NDFIP1: variants seen among roughly 807,000 people sequenced by gnomAD.
NDFIP1 encodes Nedd4 family interacting protein 1.
In NDFIP1, 7 loss-of-function variants were observed where a neutral mutation model predicts 28.8. That is an observed-to-expected ratio of 0.24 (90% confidence interval 0.14 to 0.46). NDFIP1 has a LOEUF of 0.46. Ranked by LOEUF, NDFIP1 falls within the 20% of genes least tolerant of loss-of-function variation. The pLI is 0.99. For missense variants in NDFIP1, 194 were observed against 269.1 expected, an observed-to-expected ratio of 0.72 and a Z score of 1.95; for synonymous variants, 92 against 101.0, an observed-to-expected ratio of 0.91 and a Z score of 0.53.
At chr5:142,136,226 A>G (rs1177241574) in intron 4 of NDFIP1, among the ~76,000 whole-genome samples, 2 of 152,160 alleles carry the variant, frequency 1.3e-5, no homozygotes, top group Non-Finnish European at 2.9e-5. Flanking sequence ...CCTTCATGTT[A>G]CTTGCCATTT....
intron 6 of NDFIP1, among the ~76,000 whole-genome samples, chr5:142,142,100 G>A: frequency 6.6e-6 from 1 of 152,108 alleles, no homozygotes; most frequent in Non-Finnish European, 1.5e-5. Context: ...TGGCGTCACT[G>A]CACTTCAGCT....
chr5:142,130,639 G>C (rs1410391136), intron 1 of NDFIP1, among the ~76,000 whole-genome samples: 3 of 151,650 alleles, frequency 2.0e-5, no homozygotes, highest in Non-Finnish European at 4.4e-5. Context: ...GTCACAGTGT[G>C]CCATAATTGT....
intron 6 of NDFIP1, among the ~76,000 whole-genome samples, chr5:142,142,480 G>A (rs1757341591): frequency 6.6e-6 from 1 of 152,054 alleles, no homozygotes; most frequent in African/African-American, 2.4e-5. Flanking sequence ...GACCAAAGAG[G>A]AGCCCTTAAG....
intron 6 of NDFIP1, among the ~76,000 whole-genome samples, chr5:142,141,383 G>A (rs567386280): frequency 7.3e-5 from 11 of 151,706 alleles, no homozygotes; most frequent in East Asian, 3.9e-4. Context: ...TTACCGTGTT[G>A]GCCAGGATGG....
Position 142,132,337 on chromosome 5 carries a change from G to T in NDFIP1, c.277G>T (p.Gly93Trp). The T allele has an allele frequency of 6.2e-7, 1 of 1,610,956 alleles. No individual in the cohort carries two copies. The highest frequency in any genetic ancestry group is 8.5e-7 in the Non-Finnish European group (1 of 1,179,214). ...TGAAGCTACTATCCCTTTGGTTCCT[G>T]GGAGAGTGAGTATAATTTGCCATGT... ...KAEATIPLVP[G>W]RDEDFVGRDD... Residue 93 changes from glycine to tryptophan, a missense_variant, in exon 3 of 8, where the codon GGG becomes TGG. Physicochemically the swap from Gly to Trp is radical, Grantham distance 184. Coordinates refer to ENST00000253814, the MANE Select transcript of NDFIP1 (RefSeq NM_030571.4).
chr5:142,109,648 G>C (rs1756991301), intron 1 of NDFIP1, among the ~76,000 whole-genome samples: 1 of 152,220 alleles, frequency 6.6e-6, no homozygotes, highest in Non-Finnish European at 1.5e-5. Flanking sequence ...GAGCTACGAT[G>C]AAGTCTGCAG....
rs1257856163 is a variant in NDFIP1, at chr5:142,152,130, T to C, written c.*402T>C. 1 of 152,788 alleles carries C rather than the reference T, an allele frequency of 6.5e-6. No homozygotes were observed. The highest frequency in any genetic ancestry group is 2.4e-5 in the African/African-American group (1 of 41,464). The allele number at this position is 152,788 out of a possible 1,614,324, so 9.5% of individuals were successfully genotyped here. A position where few individuals can be genotyped will look rare whatever the true frequency, so the allele number is the denominator to read the frequency against. On this transcript the variant is annotated 3_prime_UTR_variant, in exon 8 of 8. Coordinates refer to ENST00000253814, the MANE Select transcript of NDFIP1 (RefSeq NM_030571.4). ...AAATATTGTAAGATATGTATAATGC[T>C]GGCCATTTTAAAGGGGTTTTCTCAA...
In NDFIP1 at chr5:142,153,481, C is replaced by T; in HGVS notation, c.*1753C>T. On this transcript the variant is annotated 3_prime_UTR_variant, in exon 8 of 8. Transcript: ENST00000253814. ...GCCAAACAGGAAAATTAGGAGCCTCCTGGATTGACATTTCAATGATCCCTC... is the reference window on the plus strand; with the variant it reads ...GCCAAACAGGAAAATTAGGAGCCTCTTGGATTGACATTTCAATGATCCCTC... 1 of 453,136 alleles carries T rather than the reference C, an allele frequency of 2.2e-6. No homozygotes were observed. Among genetic ancestry groups the T allele is most frequent in the Non-Finnish European group, 4.5e-6 (1 of 224,210 alleles). The allele number at this position is 453,136 out of a possible 1,614,324, so 28.1% of individuals were successfully genotyped here.
At chr5:142,122,313 A>T (rs560916433) in intron 1 of NDFIP1, among the ~76,000 whole-genome samples, 2 of 152,304 alleles carry the variant, frequency 1.3e-5, no homozygotes, top group East Asian at 3.9e-4. Flanking sequence ...TTTGCTCAAC[A>T]TGATGTTGCA....
At chr5:142,112,264 A>G (rs1001581558) in intron 1 of NDFIP1, among the ~76,000 whole-genome samples, 2 of 151,388 alleles carry the variant, frequency 1.3e-5, no homozygotes, top group African/African-American at 4.9e-5. Context: ...GTGCACCTGT[A>G]GTCCCAGCTA....
chr5:142,137,470 A>T (rs2126920015), intron 4 of NDFIP1, among the ~76,000 whole-genome samples: 1 of 152,302 alleles, frequency 6.6e-6, no homozygotes, highest in South Asian at 2.1e-4. Context: ...GATGTGAGCT[A>T]TTGTGCTCAG....
intron 6 of NDFIP1, among the ~76,000 whole-genome samples, chr5:142,142,285 T>C (rs1000435145): frequency 3.3e-5 from 5 of 152,162 alleles, no homozygotes; most frequent in African/African-American, 1.2e-4. Flanking sequence ...GATTGGTCAT[T>C]AGAATTCTAA....
intron 1 of NDFIP1, among the ~76,000 whole-genome samples, chr5:142,111,757 T>G (rs1293126976): frequency 1.3e-5 from 2 of 152,220 alleles, no homozygotes. Flanking sequence ...TTTAGCATAG[T>G]GACAGACTAT....
At chr5:142,109,092 G>T in intron 1 of NDFIP1, 55 bp downstream of exon 1, 1 of 1,290,878 alleles carries the variant, frequency 7.7e-7, no homozygotes, top group Non-Finnish European at 9.9e-7. Context: ...TGCCCTGCCC[G>T]CTGGCCGCCT....
intron 7 of NDFIP1, among the ~76,000 whole-genome samples, chr5:142,145,545 A>G (rs1318488053): frequency 1.3e-5 from 2 of 152,122 alleles, no homozygotes; most frequent in East Asian, 3.9e-4. Context: ...TCTTAGGCAA[A>G]GCATTATAAA....
At chr5:142,145,556 G>A (rs1757380353) in intron 7 of NDFIP1, among the ~76,000 whole-genome samples, 1 of 152,086 alleles carries the variant, frequency 6.6e-6, no homozygotes, top group African/African-American at 2.4e-5. Context: ...GCATTATAAA[G>A]GATAGGTGGT....
At chr5:142,150,175 C>T (rs534653998) in intron 7 of NDFIP1, among the ~76,000 whole-genome samples, 488 of 48,084 alleles carry the variant, frequency 0.01, 4 homozygotes, top group Admixed American at 0.016. Flanking sequence ...AGCGGGACTC[C>T]GTCTCAAAAA....
chr5:142,122,751 T>C (rs1442896674), intron 1 of NDFIP1, among the ~76,000 whole-genome samples: 1 of 152,224 alleles, frequency 6.6e-6, no homozygotes, highest in Non-Finnish European at 1.5e-5. Flanking sequence ...GTAAGTTTAT[T>C]GGCCATTTAG....
intron 1 of NDFIP1, among the ~76,000 whole-genome samples, chr5:142,119,082 GT>G (rs768941871): frequency 6.6e-6 from 1 of 152,152 alleles, no homozygotes; most frequent in Non-Finnish European, 1.5e-5. Flanking sequence ...ATATTAACCT[GT>G]GGGTATACAC....
Sources: gnomAD v4.1 joint callset for allele counts (sites outside exome capture counted in the v4.1 genomes callset) on GRCh38, gnomAD v4.1.1 for gene constraint, MANE v1.5 for transcripts, NCBI Gene and HGNC (gene_info 2026-07-23, HGNC 2026-07-21) for gene names.